The following MTUS2 variants were observed in gnomAD, a reference collection of about 807,000 sequenced individuals.
MTUS2 encodes microtubule associated scaffold protein 2.
In MTUS2, 40 loss-of-function variants were observed where a neutral mutation model predicts 114.1. The observed-to-expected ratio is 0.35, with a 90% CI of 0.27 to 0.46. The LOEUF (loss-of-function observed/expected upper bound fraction) is 0.46. MTUS2 is among the 20% of genes least tolerant of loss of function. MTUS2 has a pLI of 1.00. For missense variants in MTUS2, 1,679 were observed against 1,705.4 expected, an observed-to-expected ratio of 0.98 and a Z score of 0.27; for synonymous variants, 688 against 672.0, an observed-to-expected ratio of 1.02 and a Z score of -0.37.
At chr13:29,041,143 A>G (rs1181119964) in intron 4 of MTUS2, among the ~76,000 whole-genome samples, 2 of 152,168 alleles carry the variant, frequency 1.3e-5, no homozygotes, top group African/African-American at 4.8e-5. Flanking sequence ...ATAATGTGAG[A>G]GATGAAGGTC....
chr13:29,406,493 AC>A (rs1275357923), intron 8 of MTUS2, among the ~76,000 whole-genome samples: 2 of 152,004 alleles, frequency 1.3e-5, no homozygotes, highest in African/African-American at 4.8e-5. Context: ...GGCTTCCCTC[AC>A]CCCCACTGTA....
At chr13:29,286,668 G>GTCTA (rs746176943) in intron 6 of MTUS2, among the ~76,000 whole-genome samples, 9 of 78,964 alleles carry the variant, frequency 1.1e-4, no homozygotes, top group Admixed American at 4.8e-4. Context: ...CTGTCTGTCT[G>GTCTA]TCTGTCTATC....
intron 8 of MTUS2, among the ~76,000 whole-genome samples, chr13:29,430,270 G>A (rs1335091190): frequency 6.6e-6 from 1 of 152,088 alleles, no homozygotes; most frequent in Non-Finnish European, 1.5e-5. Flanking sequence ...GTAATATGGA[G>A]GACTTTTGGT....
chr13:29,010,755 C>T (rs1353751485), intron 2 of MTUS2, among the ~76,000 whole-genome samples: 2 of 152,108 alleles, frequency 1.3e-5, no homozygotes, highest in African/African-American at 4.8e-5. Flanking sequence ...TCTCCTACCC[C>T]ATCAGAACTG....
At chr13:29,131,630 C>T (rs1891767331) in intron 5 of MTUS2, among the ~76,000 whole-genome samples, 1 of 152,262 alleles carries the variant, frequency 6.6e-6, no homozygotes, top group South Asian at 2.1e-4. Flanking sequence ...TGGTCCAAGC[C>T]TGCTGGGAGC....
At chr13:28,833,166 G>A (rs1290533642) in intron 1 of MTUS2, among the ~76,000 whole-genome samples, 2 of 152,094 alleles carry the variant, frequency 1.3e-5, no homozygotes, top group Non-Finnish European at 2.9e-5. Context: ...CAGCAGTTTT[G>A]CATAATGTTT....
At chr13:29,375,515 C>CTATA (rs1357812821) in intron 8 of MTUS2, among the ~76,000 whole-genome samples, 6 of 5,696 alleles carry the variant, frequency 1.1e-3, no homozygotes, top group African/African-American at 1.5e-3. Context: ...CACCAGCCTA[C>CTATA]TATATATATA....
At chr13:29,293,895 A>T (rs1255416119) in intron 6 of MTUS2, among the ~76,000 whole-genome samples, 1 of 151,794 alleles carries the variant, frequency 6.6e-6, no homozygotes, top group Non-Finnish European at 1.5e-5. Flanking sequence ...TTGTAAATTT[A>T]TAGAAAAAGT....
chr13:29,488,069 C>CG, intron 11 of MTUS2, 64 bp downstream of exon 11: 1 of 1,270,908 alleles, frequency 7.9e-7, no homozygotes, highest in Non-Finnish European at 1.1e-6. Flanking sequence ...TTTCCTGCTG[C>CG]AGATGTGTGG....
chr13:29,369,200 G>A (rs1256573377), intron 8 of MTUS2, among the ~76,000 whole-genome samples: 1 of 152,178 alleles, frequency 6.6e-6, no homozygotes, highest in African/African-American at 2.4e-5. Context: ...AGGACAACCA[G>A]CTTTTCCTGG....
At chr13:29,355,374 AC>A (rs112787515) in intron 7 of MTUS2, among the ~76,000 whole-genome samples, 11,275 of 152,252 alleles carry the variant, frequency 0.074, 1,405 homozygotes, top group African/African-American at 0.26. Flanking sequence ...AGCCAGTAGG[AC>A]CAGCTACAAA....
chr13:29,056,656 G>A (rs1888147573), intron 4 of MTUS2, among the ~76,000 whole-genome samples: 1 of 151,820 alleles, frequency 6.6e-6, no homozygotes, highest in Non-Finnish European at 1.5e-5. Flanking sequence ...CAGTGGTAAT[G>A]TCCCCTTTAT....
intron 2 of MTUS2, among the ~76,000 whole-genome samples, chr13:28,856,333 C>T (rs1876627411): frequency 6.6e-6 from 1 of 152,160 alleles, no homozygotes; most frequent in African/African-American, 2.4e-5. Context: ...GTAGGGAAGT[C>T]CCAGATTGTG....
chr13:29,444,998 A>G (rs960640347), intron 9 of MTUS2, among the ~76,000 whole-genome samples: 2 of 152,210 alleles, frequency 1.3e-5, no homozygotes, highest in African/African-American at 4.8e-5. Context: ...AGTAATCCCC[A>G]GTACATTTGC....
chr13:29,456,061 T>TA (rs991180290), intron 9 of MTUS2, among the ~76,000 whole-genome samples: 7 of 152,120 alleles, frequency 4.6e-5, no homozygotes, highest in African/African-American at 9.6e-5. Context: ...AATTAGCAGA[T>TA]AAAAAAATGT....
chr13:29,331,070 A>G (rs1454857415), intron 7 of MTUS2, among the ~76,000 whole-genome samples: 2 of 152,192 alleles, frequency 1.3e-5, no homozygotes, highest in Non-Finnish European at 2.9e-5. Flanking sequence ...GTCCATGAGC[A>G]TGGAATGTTT....
At chr13:29,118,363 T>G (rs1891173888) in intron 5 of MTUS2, among the ~76,000 whole-genome samples, 1 of 152,132 alleles carries the variant, frequency 6.6e-6, no homozygotes, top group African/African-American at 2.4e-5. Context: ...GACACTGGGC[T>G]GGAACCTGGC....
chr13:29,082,037 A>G (rs980102887), intron 4 of MTUS2, among the ~76,000 whole-genome samples: 17 of 152,280 alleles, frequency 1.1e-4, no homozygotes, highest in African/African-American at 3.9e-4. Context: ...TTGAAGTTCT[A>G]ACCCCCAATG....
intron 8 of MTUS2, among the ~76,000 whole-genome samples, chr13:29,368,816 G>A (rs928321294): frequency 3.9e-5 from 6 of 152,176 alleles, no homozygotes; most frequent in African/African-American, 7.2e-5. Context: ...AAGCAAGCTC[G>A]GGGTGGTTTA....
Sources: gnomAD v4.1 joint callset for allele counts (sites outside exome capture counted in the v4.1 genomes callset) on GRCh38, gnomAD v4.1.1 for gene constraint, MANE v1.5 for transcripts, NCBI Gene and HGNC (gene_info 2026-07-23, HGNC 2026-07-21) for gene names.